Variants in NINL observed in about 807,000 individuals in gnomAD.
NINL encodes the protein ninein-like protein.
Under a neutral mutation model 160.3 loss-of-function variants are expected in NINL, and 153 were observed. That is an observed-to-expected ratio of 0.95 (90% CI 0.84 to 1.09). NINL has a LOEUF of 1.09. Ranked by LOEUF, NINL falls within the 50% of genes least tolerant of loss-of-function variation. NINL has a pLI of 0.00. For synonymous variants in NINL, 800 were observed against 734.8 expected, an observed-to-expected ratio of 1.09 and a Z score of -1.43; for missense variants, 1,829 against 1,764.0, an observed-to-expected ratio of 1.04 and a Z score of -0.66.
intron 2 of NINL, among the ~76,000 whole-genome samples, chr20:25,522,620 T>C (rs1169664000): frequency 1.3e-5 from 2 of 152,230 alleles, no homozygotes; most frequent in South Asian, 2.1e-4. Context: ...AAACGAATGA[T>C]GAAATTGCAA....
chr20:25,543,051 A>AG (rs999321601), intron 1 of NINL, among the ~76,000 whole-genome samples: 6 of 151,520 alleles, frequency 4.0e-5, no homozygotes, highest in African/African-American at 7.3e-5. Context: ...AAAAAAAAAA[A>AG]AAAGAAAGAA....
chr20:25,561,671 G>C (rs1263607920), intron 1 of NINL, among the ~76,000 whole-genome samples: 4 of 149,842 alleles, frequency 2.7e-5, no homozygotes, highest in Admixed American at 2.7e-4. Flanking sequence ...TGTGGGGAGC[G>C]CCTCTGCCCC....
In NINL at chr20:25,489,924, C is replaced by A. The variant is rs550349247; in HGVS notation, c.1547G>T (p.Arg516Met). 6.2e-6 allele frequency: 10 copies of A among 1,614,210 alleles called. No individual in the cohort carries two copies. In the East Asian group the frequency reaches 1.3e-4, roughly 22 times the overall value. ...EVVEKLSDSE[R>M]LALKLQKDLE... ...GTCCTTCTGCAGCTTCAGGGCCAGC[C>A]TCTCCGAATCCGAAAGCTTTTCCAC... Residue 516 changes from arginine to methionine, a missense_variant, in exon 12 of 24, where the codon AGG (arginine) becomes ATG (methionine). Physicochemically the swap from Arg to Met is moderately conservative, Grantham distance 91. Transcript: ENST00000278886.
intron 1 of NINL, among the ~76,000 whole-genome samples, chr20:25,583,012 C>T (rs747609192): frequency 6.6e-6 from 1 of 152,104 alleles, no homozygotes; most frequent in Non-Finnish European, 1.5e-5. Flanking sequence ...AATGTAAAAC[C>T]CAAAACCATA....
rs1242377252 is a variant in NINL at position 25,512,850 on chromosome 20, G to A, written c.434C>T (p.Ser145Phe). ...CTGACCCACCTCCACGCTCTCCAGAGACGCTGAGCGCCAGAGGTGACTTTT... is the reference window on the plus strand; with the variant it reads ...CTGACCCACCTCCACGCTCTCCAGAAACGCTGAGCGCCAGAGGTGACTTTT... ...SLKSHLWRSA[S>F]LESVESPKSD... Residue 145 changes from serine to phenylalanine, a missense_variant, in exon 4 of 24, where the codon TCT becomes TTT. Physicochemically the swap from Ser to Phe is radical, Grantham distance 155. Coordinates refer to ENST00000278886, the MANE Select transcript of NINL (RefSeq NM_025176.6). 1 of 1,613,402 alleles carries A rather than the reference G, an allele frequency of 6.2e-7. No homozygotes were observed. The highest frequency in any genetic ancestry group is 8.5e-7 in the Non-Finnish European group (1 of 1,179,652).
chr20:25,472,407 C>A (rs535085975), intron 17 of NINL, among the ~76,000 whole-genome samples: 73 of 141,734 alleles, frequency 5.2e-4, no homozygotes, highest in African/African-American at 1.7e-3. Context: ...GCTCTTGTTG[C>A]CCTGGCTGGA....
intron 12 of NINL, 38 bp downstream of exon 12, chr20:25,489,837 C>T (rs1374101376): frequency 6.3e-7 from 1 of 1,586,766 alleles, no homozygotes; most frequent in Admixed American, 1.7e-5. Flanking sequence ...CCAGCAGGCC[C>T]TCCCCTCTGG....
intron 1 of NINL, among the ~76,000 whole-genome samples, chr20:25,577,780 T>C (rs2065132601): frequency 1.3e-5 from 2 of 152,018 alleles, no homozygotes; most frequent in African/African-American, 4.8e-5. Context: ...CGGGGCTTAC[T>C]ACTGTCCTAG....
chr20:25,453,472 G>A lies in NINL; in HGVS notation c.4128C>T (p.Ala1376=). 6.2e-7 allele frequency: 1 copy of A among 1,611,710 alleles called. No individual in the cohort carries two copies. The highest frequency in any genetic ancestry group is 8.5e-7 in the Non-Finnish European group (1 of 1,179,002). Residue 1376 remains alanine (A), a synonymous_variant, in exon 24 of 24, where the codon GCC becomes GCT. Transcript: ENST00000278886. The part of the protein sequence containing the change: ...RALNKLVSRI[A]PAALSV ...GTCTTTACACAGAGAGGGCTGCGGG[G>A]GCAATCCTACTGACGAGTTTGTTGA...
At chr20:25,535,858 A>G (rs1046670108) in intron 1 of NINL, among the ~76,000 whole-genome samples, 1 of 152,186 alleles carries the variant, frequency 6.6e-6, no homozygotes, top group Non-Finnish European at 1.5e-5. Flanking sequence ...AAGCCCAGAA[A>G]AGGGAGCCAA....
In NINL at chr20:25,500,953, A is replaced by G. The variant is rs1318881556; in HGVS notation, c.919T>C (p.Ser307Pro). ...ATGCTGGAGAAGAGGCGCAGGCTGG[A>G]GCACAGGGACACGAGGGATGAGGTT... ...TTTSSLVSLC[S>P]SLRLFSSIDD... The change falls in exon 8 of 24, where the codon TCC (serine) becomes CCC (proline). Residue 307 changes from serine (S) to proline (P), a missense_variant. Coordinates refer to ENST00000278886, the MANE Select transcript of NINL (RefSeq NM_025176.6). The G allele has an allele frequency of 1.9e-6, 3 of 1,614,104 alleles. No individual in the cohort carries two copies. The highest frequency in any genetic ancestry group is 2.5e-6 in the Non-Finnish European group (3 of 1,180,050).
chr20:25,458,707 C>A, intron 21 of NINL, 178 bp from the exon 22 acceptor site: 1 of 664,052 alleles, frequency 1.5e-6, no homozygotes, highest in East Asian at 2.8e-5. Flanking sequence ...GACAGCCAGG[C>A]TGCTGTCAGC....
At chr20:25,505,399 G>T (rs907576850) in intron 5 of NINL, among the ~76,000 whole-genome samples, 2 of 152,086 alleles carry the variant, frequency 1.3e-5, no homozygotes, top group Admixed American at 1.3e-4. Flanking sequence ...GTACAGCACG[G>T]TGACTACAGT....
At chr20:25,571,541 A>G (rs1163009159) in intron 1 of NINL, among the ~76,000 whole-genome samples, 1 of 152,196 alleles carries the variant, frequency 6.6e-6, no homozygotes, top group South Asian at 2.1e-4. Context: ...GGAAAACAGG[A>G]AGACTTGGAA....
chr20:25,488,599 G>T (rs1198509008), intron 13 of NINL, among the ~76,000 whole-genome samples: 2 of 151,926 alleles, frequency 1.3e-5, no homozygotes, highest in Non-Finnish European at 2.9e-5. Flanking sequence ...ATGGACTGAC[G>T]CAGCAGCAGG....
intron 3 of NINL, among the ~76,000 whole-genome samples, chr20:25,517,271 C>T (rs2064177949): frequency 6.6e-6 from 1 of 151,970 alleles, no homozygotes; most frequent in Non-Finnish European, 1.5e-5. Context: ...AAAGAGCCAC[C>T]CCCATTTCAC....
At chr20:25,475,570 G>GA (rs1359313300) in intron 17 of NINL, among the ~76,000 whole-genome samples, 1 of 152,186 alleles carries the variant, frequency 6.6e-6, no homozygotes, top group African/African-American at 2.4e-5. Flanking sequence ...GAACAACAAT[G>GA]AAAAATCTTT....
intron 1 of NINL, among the ~76,000 whole-genome samples, chr20:25,540,935 C>CCT (rs72484288): frequency 3.4e-5 from 5 of 148,100 alleles, no homozygotes; most frequent in Non-Finnish European, 6.0e-5. Context: ...AAAGCTATCC[C>CCT]TTTTTTTTTT....
At chr20:25,497,821 T>C (rs2063788920) in intron 9 of NINL, among the ~76,000 whole-genome samples, 1 of 152,028 alleles carries the variant, frequency 6.6e-6, no homozygotes, top group Non-Finnish European at 1.5e-5. Context: ...CTCATGTCTG[T>C]CCCTTCGAAA....
Sources: allele counts gnomAD v4.1 joint callset (sites outside exome capture counted in the v4.1 genomes callset), GRCh38; gene constraint gnomAD v4.1.1; transcripts MANE v1.5; gene names NCBI Gene and HGNC (gene_info 2026-07-23, HGNC 2026-07-21).